The following SVEP1 variants were observed in gnomAD, a reference collection of about 807,000 sequenced individuals.
SVEP1 encodes sushi, von Willebrand factor type A, EGF and pentraxin domain-containing protein 1.
Under a neutral mutation model 367.3 loss-of-function variants are expected in SVEP1, and 164 were observed. The observed-to-expected ratio is 0.45, with a 90% CI of 0.39 to 0.51. The LOEUF is 0.51. Among genes scored for constraint, SVEP1 ranks in the 20% least tolerant of loss-of-function variants. The pLI, the probability that SVEP1 is intolerant of heterozygous loss-of-function variation, is 0.00. For missense variants in SVEP1, 4,117 were observed against 4,425.3 expected (o/e 0.93, Z 1.98); for synonymous variants, 1,666 against 1,611.6 (o/e 1.03, Z -0.81).
At chr9:110,378,106 TATCTA>T (rs139428535) in intron 44 of SVEP1, among the ~76,000 whole-genome samples, 8,304 of 151,468 alleles carry the variant, frequency 0.055, 348 homozygotes, top group Admixed American at 0.12. Context: ...TCTGCATGTC[TATCTA>T]ATCTATCTTC....
At chr9:110,378,977 C>A (rs1040094649) in intron 44 of SVEP1, among the ~76,000 whole-genome samples, 1 of 151,568 alleles carries the variant, frequency 6.6e-6, no homozygotes, top group African/African-American at 2.4e-5. Flanking sequence ...TTATTTAGTT[C>A]CTTGGTTTTA....
At position 110,554,005 on chromosome 9, in the gene SVEP1, G is replaced by A. The variant is rs180942597; in HGVS notation, c.532-3901C>T. On this transcript the variant is annotated intron_variant, in intron 1 of 47. Coordinates refer to ENST00000374469, the MANE Select transcript of SVEP1 (RefSeq NM_153366.4). ...AATAGATATCTTTTGTCTTTGCTGT[G>A]ACATAGAGACTACTTTTACTTTTAT... 2.5e-3 allele frequency among the ~76,000 whole-genome samples: 382 copies of A among 152,168 alleles called. 7 individuals are homozygous for A. Among genetic ancestry groups the A allele is most frequent in the African/African-American group, 8.9e-3 (370 of 41,530 alleles).
chr9:110,451,207 TAATA>T, intron 23 of SVEP1, 78 bp downstream of exon 23: 2 of 1,113,226 alleles, frequency 1.8e-6, no homozygotes, highest in South Asian at 1.5e-5. Flanking sequence ...AAATTCACAT[TAATA>T]TATATGTTAA....
At chr9:110,563,178 T>G (rs962101794) in intron 1 of SVEP1, among the ~76,000 whole-genome samples, 21 of 152,146 alleles carry the variant, frequency 1.4e-4, no homozygotes, top group Non-Finnish European at 3.1e-4. Flanking sequence ...TTGTGGTATA[T>G]CTACATGAAA....
At chr9:110,429,356 T>C in intron 34 of SVEP1, 22 bp from the exon 35 acceptor site, 1 of 1,476,566 alleles carries the variant, frequency 6.8e-7, no homozygotes, top group African/African-American at 1.4e-5. Context: ...AGAGGAAAAT[T>C]ACAGGATATA....
intron 36 of SVEP1, among the ~76,000 whole-genome samples, chr9:110,423,067 A>G (rs1458850871): frequency 1.4e-5 from 2 of 139,672 alleles, no homozygotes; most frequent in African/African-American, 5.5e-5. Context: ...ACATGTATAC[A>G]TATGTAACTA....
intron 8 of SVEP1, among the ~76,000 whole-genome samples, chr9:110,495,881 G>C (rs1043219455): frequency 4.6e-5 from 7 of 152,068 alleles, no homozygotes; most frequent in African/African-American, 1.7e-4. Flanking sequence ...ATCTCTTTCT[G>C]ACTGAAAAAT....
At chr9:110,503,900 T>C (rs1829580841) in intron 5 of SVEP1, among the ~76,000 whole-genome samples, 1 of 152,214 alleles carries the variant, frequency 6.6e-6, no homozygotes, top group Non-Finnish European at 1.5e-5. Context: ...TTCTCACCAG[T>C]TTTATTAAGC....
At chr9:110,521,983 A>T (rs573876972) in intron 3 of SVEP1, among the ~76,000 whole-genome samples, 1 of 152,276 alleles carries the variant, frequency 6.6e-6, no homozygotes, top group East Asian at 1.9e-4. Context: ...TATTTGATCC[A>T]TTTTTTAAAA....
intron 37 of SVEP1, among the ~76,000 whole-genome samples, chr9:110,410,321 G>A (rs917926836): frequency 2.6e-5 from 4 of 152,148 alleles, no homozygotes; most frequent in South Asian, 2.1e-4. Context: ...ACACATTAGC[G>A]TGAAAGCAGG....
At chr9:110,564,019 G>A (rs902948970) in intron 1 of SVEP1, among the ~76,000 whole-genome samples, 1 of 152,140 alleles carries the variant, frequency 6.6e-6, no homozygotes. Context: ...AAACAGAAAG[G>A]GACAACCCTC....
At chr9:110,483,728 C>G in intron 9 of SVEP1, 35 bp from the exon 10 acceptor site, 1 of 1,485,986 alleles carries the variant, frequency 6.7e-7, no homozygotes, top group Middle Eastern at 1.8e-4. Flanking sequence ...GAAGTCACAG[C>G]TGATATTCAC....
At chr9:110,482,863 G>A (rs944681138) in intron 10 of SVEP1, among the ~76,000 whole-genome samples, 15 of 152,172 alleles carry the variant, frequency 9.9e-5, no homozygotes, top group African/African-American at 3.4e-4. Context: ...TTAATTTGAA[G>A]TTTCATGTCC....
intron 14 of SVEP1, among the ~76,000 whole-genome samples, chr9:110,475,488 A>G (rs1044572142): frequency 1.3e-5 from 2 of 152,082 alleles, no homozygotes; most frequent in Non-Finnish European, 2.9e-5. Context: ...TGTAGAGTCC[A>G]CGTGTTTAAC....
Position 110,503,147 on chromosome 9 carries a change from A to G in SVEP1, c.1374T>C (p.Tyr458=). Residue 458 remains tyrosine, a synonymous_variant, in exon 6 of 48, where the codon TAT becomes TAC. Coordinates refer to ENST00000374469, the MANE Select transcript of SVEP1 (RefSeq NM_153366.4). The part of the protein sequence containing the change: ...HISCSTREML[Y]KTTCLVACDE... Reference sequence around the variant, plus strand: ...CACAGGCAACCAAACATGTTGTCTTATATAACATTTCCCTTGTAGAACAGC... The same window carrying G: ...CACAGGCAACCAAACATGTTGTCTTGTATAACATTTCCCTTGTAGAACAGC... 2 of 1,614,054 alleles carry G rather than the reference A, an allele frequency of 1.2e-6. No homozygotes were observed. The highest frequency in any genetic ancestry group is 1.7e-6 in the Non-Finnish European group (2 of 1,179,890).
chr9:110,452,557 T>C (rs1318778728), intron 22 of SVEP1, among the ~76,000 whole-genome samples: 1 of 152,210 alleles, frequency 6.6e-6, no homozygotes, highest in African/African-American at 2.4e-5. Flanking sequence ...TGGTTCCAGC[T>C]GTTGAATACA....
chr9:110,399,823 G>A (rs1024565294), intron 40 of SVEP1, among the ~76,000 whole-genome samples: 2 of 152,008 alleles, frequency 1.3e-5, no homozygotes, highest in Admixed American at 6.6e-5. Flanking sequence ...TGTGAGTCAC[G>A]ACACCCAGCC....
intron 24 of SVEP1, among the ~76,000 whole-genome samples, chr9:110,447,400 A>G (rs916652927): frequency 6.6e-5 from 10 of 152,270 alleles, no homozygotes; most frequent in African/African-American, 2.4e-4. Context: ...GCCAATTTTC[A>G]TAACAATGAG....
intron 40 of SVEP1, among the ~76,000 whole-genome samples, chr9:110,394,400 A>G (rs796771127): frequency 3.4e-4 from 52 of 152,230 alleles, no homozygotes; most frequent in African/African-American, 1.2e-3. Flanking sequence ...CAAAGATGGG[A>G]AAAAAACAGA....
Sources: gnomAD v4.1 joint callset for allele counts (sites outside exome capture counted in the v4.1 genomes callset) on GRCh38, gnomAD v4.1.1 for gene constraint, MANE v1.5 for transcripts, NCBI Gene and HGNC (gene_info 2026-07-23, HGNC 2026-07-21) for gene names.